The following SNX2 variants were observed in gnomAD, a reference collection of about 807,000 sequenced individuals.
The protein encoded by SNX2 is sorting nexin 2.
Under a neutral mutation model 69.9 loss-of-function variants are expected in SNX2, and 25 were observed. That is an observed-to-expected ratio of 0.36 (90% CI 0.26 to 0.50). The LOEUF is 0.50. Among genes scored for constraint, SNX2 ranks in the 20% least tolerant of loss-of-function variants. The pLI is 0.97. For missense variants in SNX2, 551 were observed against 613.3 expected (o/e 0.90, Z 1.07); for synonymous variants, 229 against 200.4 (o/e 1.14, Z -1.20).
intron 11 of SNX2, among the ~76,000 whole-genome samples, chr5:122,822,346 G>T (rs1247165401): frequency 6.6e-6 from 1 of 152,148 alleles, no homozygotes; most frequent in Non-Finnish European, 1.5e-5. Flanking sequence ...GCGTCCCAAA[G>T]CGCTGGGATT....
At chr5:122,794,335 A>AC (rs397753423) in intron 1 of SNX2, among the ~76,000 whole-genome samples, 3 of 152,266 alleles carry the variant, frequency 2.0e-5, no homozygotes, top group East Asian at 3.9e-4. Context: ...AACAAAAAAA[A>AC]CAAGAATAGT....
At chr5:122,777,711 T>C (rs937417578) in intron 1 of SNX2, among the ~76,000 whole-genome samples, 1 of 152,226 alleles carries the variant, frequency 6.6e-6, no homozygotes, top group Non-Finnish European at 1.5e-5. Flanking sequence ...TTATTTTTAA[T>C]TGACACATAA....
intron 6 of SNX2, 114 bp from the exon 7 acceptor site, chr5:122,808,163 G>A (rs916156926): frequency 1.6e-6 from 1 of 625,208 alleles, no homozygotes; most frequent in Non-Finnish European, 2.7e-6. Flanking sequence ...CCAGTTACAA[G>A]TTTAGGGCTG....
At chr5:122,803,695 T>TCAA (rs1475646313) in intron 6 of SNX2, 82 bp downstream of exon 6, 45 of 1,018,920 alleles carry the variant, frequency 4.4e-5, no homozygotes, top group Non-Finnish European at 6.3e-5. Flanking sequence ...GATTTCTTAG[T>TCAA]CATTCACTGT....
At chr5:122,829,099 AAG>A (rs1388598672) in intron 14 of SNX2, among the ~76,000 whole-genome samples, 1 of 152,192 alleles carries the variant, frequency 6.6e-6, no homozygotes, top group African/African-American at 2.4e-5. Context: ...TCTGGGCAAT[AAG>A]AGTGAAACTC....
chr5:122,805,815 C>G (rs1251795317), intron 6 of SNX2, among the ~76,000 whole-genome samples: 4 of 152,032 alleles, frequency 2.6e-5, no homozygotes, highest in Admixed American at 2.0e-4. Context: ...GAGTCTTGCT[C>G]TGTTGCCCAG....
At chr5:122,789,422 TTCCCCACCA>T (rs1479242736) in intron 1 of SNX2, among the ~76,000 whole-genome samples, 1 of 143,556 alleles carries the variant, frequency 7.0e-6, no homozygotes, top group Non-Finnish European at 1.5e-5. Context: ...CCGCCCCACC[TTCCCCACCA>T]CACACACACA....
In SNX2 at chr5:122,818,971, A is replaced by G. The variant is rs749573418; in HGVS notation, c.1160A>G (p.Tyr387Cys). The G allele has an allele frequency of 1.9e-6, 3 of 1,613,756 alleles. No individual in the cohort carries two copies. The highest frequency in any genetic ancestry group is 1.7e-5 in the Admixed American group (1 of 59,990). The stretch of plus-strand genomic sequence containing the variant: ...CAAGAACAAGCTTTTGCTGACTTTT[A>G]TATGTTTTCAGAACTACTTAGTGAC... ...LHQEQAFADF[Y>C]MFSELLSDYI... The change falls in exon 11 of 15, where the codon TAT becomes TGT. Residue 387 changes from tyrosine (Y) to cysteine (C), a missense_variant. This residue lies in a region of SNX2 where 360 missense variants were observed against 450.4 expected (regional missense o/e 0.80). Coordinates refer to ENST00000379516, the MANE Select transcript of SNX2 (RefSeq NM_003100.4).
intron 6 of SNX2, among the ~76,000 whole-genome samples, chr5:122,805,608 C>A: frequency 6.6e-6 from 1 of 151,430 alleles, no homozygotes. Context: ...CTTTCAAGAC[C>A]CCTTTGTAGG....
chr5:122,777,515 G>A (rs1462143137), intron 1 of SNX2, among the ~76,000 whole-genome samples: 1 of 152,144 alleles, frequency 6.6e-6, no homozygotes, highest in African/African-American at 2.4e-5. Flanking sequence ...TTAACTTAAA[G>A]TAAGTCAGAG....
intron 3 of SNX2, among the ~76,000 whole-genome samples, chr5:122,801,034 C>T (rs1450447908): frequency 1.3e-5 from 2 of 152,050 alleles, no homozygotes; most frequent in Admixed American, 1.3e-4. Flanking sequence ...TCCAGAAGAA[C>T]GTGTTTATTA....
intron 3 of SNX2, among the ~76,000 whole-genome samples, 179 bp from the exon 4 acceptor site, chr5:122,801,690 T>TGTGTG (rs1554062722): frequency 6.6e-5 from 10 of 150,442 alleles, no homozygotes; most frequent in South Asian, 2.1e-4. Flanking sequence ...TGTGTGTGTG[T>TGTGTG]TTTATTTATA....
chr5:122,834,197 C>T lies in SNX2; in HGVS notation c.*4549C>T, dbSNP rs1487024922. 1 of 152,160 alleles carries T rather than the reference C, an allele frequency of 6.6e-6. No individual in the cohort carries two copies. Among genetic ancestry groups the T allele is most frequent in the Non-Finnish European group, 1.5e-5 (1 of 68,016 alleles). 9.4% of individuals were successfully genotyped at this position (152,160 alleles called of 1,614,324 possible). A position where few individuals can be genotyped will look rare whatever the true frequency, so the allele number is the denominator to read the frequency against. On this transcript the variant is annotated 3_prime_UTR_variant, in exon 15 of 15. Coordinates refer to ENST00000379516, the MANE Select transcript of SNX2 (RefSeq NM_003100.4). ...TTGGGATACAGAGAACTTATTTCTT[C>T]CAACTGTTGCTTCAGACGCTGATAA...
intron 10 of SNX2, among the ~76,000 whole-genome samples, chr5:122,817,607 A>G (rs1753927374): frequency 6.6e-6 from 1 of 152,070 alleles, no homozygotes; most frequent in Non-Finnish European, 1.5e-5. Flanking sequence ...GTTAACTGGT[A>G]CAGATGTGAG....
At chr5:122,789,478 C>CAG (rs1753176003) in intron 1 of SNX2, among the ~76,000 whole-genome samples, 1 of 98,214 alleles carries the variant, frequency 1.0e-5, no homozygotes, top group Admixed American at 1.0e-4. Flanking sequence ...CACACGGACA[C>CAG]ACACACACAC....
intron 11 of SNX2, among the ~76,000 whole-genome samples, chr5:122,824,814 G>T (rs1754117586): frequency 6.6e-6 from 1 of 152,094 alleles, no homozygotes; most frequent in African/African-American, 2.4e-5. Flanking sequence ...ATTTACATGT[G>T]TATGTTATTT....
At chr5:122,814,753 T>TTTTTTTTGTTTTTTTTTG (rs1554063741) in intron 7 of SNX2, among the ~76,000 whole-genome samples, 8 of 151,124 alleles carry the variant, frequency 5.3e-5, no homozygotes, top group East Asian at 3.9e-4. Context: ...GATAGCAGGT[T>TTTTTTTTGTTTTTTTTTG]TTTTTTTGTT....
intron 1 of SNX2, among the ~76,000 whole-genome samples, chr5:122,777,108 A>C (rs1752873768): frequency 6.6e-6 from 1 of 152,196 alleles, no homozygotes; most frequent in African/African-American, 2.4e-5. Flanking sequence ...ACTGCTTTAA[A>C]GGAATGTTCT....
intron 12 of SNX2, chr5:122,826,606 T>C (rs897826728): frequency 1.2e-6 from 1 of 852,888 alleles, no homozygotes; most frequent in Non-Finnish European, 1.4e-6. Context: ...TTTATTATAA[T>C]TTATACACTT....
Sources: gnomAD v4.1 joint callset for allele counts (sites outside exome capture counted in the v4.1 genomes callset) on GRCh38, gnomAD v4.1.1 for gene constraint, gnomAD v4.1.1 regional missense constraint, MANE v1.5 for transcripts, NCBI Gene and HGNC (gene_info 2026-07-23, HGNC 2026-07-21) for gene names.